CADM2: variants seen among roughly 807,000 people sequenced by gnomAD.
CADM2 encodes the protein immunoglobulin superfamily member 4D.
Under a neutral mutation model 49.8 loss-of-function variants are expected in CADM2, and 12 were observed. That is an observed-to-expected ratio of 0.24 (90% CI 0.15 to 0.39). The LOEUF (loss-of-function observed/expected upper bound fraction) is 0.39. CADM2 is among the 10% of genes least tolerant of loss of function. CADM2 has a pLI of 1.00. For missense variants in CADM2, 378 were observed against 492.3 expected, an observed-to-expected ratio of 0.77 and a Z score of 2.20; for synonymous variants, 214 against 175.4, an observed-to-expected ratio of 1.22 and a Z score of -1.74.
At chr3:85,563,913 A>G (rs1004505118) in intron 1 of CADM2, among the ~76,000 whole-genome samples, 1 of 152,182 alleles carries the variant, frequency 6.6e-6, no homozygotes, top group Non-Finnish European at 1.5e-5. Context: ...TAAATAGATC[A>G]TAGCTATTTT....
chr3:85,488,617 C>T (rs1199684450), intron 1 of CADM2, among the ~76,000 whole-genome samples: 1 of 152,020 alleles, frequency 6.6e-6, no homozygotes, highest in African/African-American at 2.4e-5. Context: ...CTGCAACCTC[C>T]GACTCCCTGG....
chr3:86,055,720 A>G (rs1317964770), intron 8 of CADM2, among the ~76,000 whole-genome samples: 1 of 152,000 alleles, frequency 6.6e-6, no homozygotes, highest in African/African-American at 2.4e-5. Context: ...TCCTAATATC[A>G]TCACGTTGGT....
intron 3 of CADM2, among the ~76,000 whole-genome samples, chr3:85,851,842 T>G (rs974023878): frequency 6.6e-6 from 1 of 151,992 alleles, no homozygotes; most frequent in Admixed American, 6.6e-5. Context: ...AAGATTTTCA[T>G]CTTGAACAAC....
chr3:85,657,777 C>CAG (rs1559574754), intron 1 of CADM2, among the ~76,000 whole-genome samples: 4 of 111,204 alleles, frequency 3.6e-5, no homozygotes, highest in South Asian at 3.0e-4. Flanking sequence ...TATATATATA[C>CAG]ATATACATGT....
intron 1 of CADM2, among the ~76,000 whole-genome samples, chr3:85,380,842 A>G (rs1025394954): frequency 6.6e-6 from 1 of 152,086 alleles, no homozygotes; most frequent in South Asian, 2.1e-4. Context: ...TGTAAAAAGT[A>G]TATCATAGAT....
intron 1 of CADM2, among the ~76,000 whole-genome samples, chr3:85,385,469 C>T (rs191638186): frequency 2.0e-5 from 3 of 152,136 alleles, no homozygotes; most frequent in Admixed American, 2.0e-4. Flanking sequence ...GTAAATAAAA[C>T]TTAATCATGG....
chr3:85,932,562 C>T (rs909977307), intron 6 of CADM2, among the ~76,000 whole-genome samples: 1 of 152,102 alleles, frequency 6.6e-6, no homozygotes, highest in East Asian at 1.9e-4. Context: ...AAATACCACC[C>T]AACAGAATCT....
At chr3:85,461,212 A>G (rs892638608) in intron 1 of CADM2, among the ~76,000 whole-genome samples, 2 of 152,088 alleles carry the variant, frequency 1.3e-5, no homozygotes, top group Non-Finnish European at 2.9e-5. Flanking sequence ...CAGAAATTTA[A>G]CACATAAAAA....
chr3:85,165,004 A>G (rs902156924), intron 1 of CADM2, among the ~76,000 whole-genome samples: 1 of 151,652 alleles, frequency 6.6e-6, no homozygotes, highest in Non-Finnish European at 1.5e-5. Context: ...GGTCAGGAGT[A>G]TCACATTGAA....
At chr3:85,458,547 CT>C (rs1559850437) in intron 1 of CADM2, among the ~76,000 whole-genome samples, 1 of 152,164 alleles carries the variant, frequency 6.6e-6, no homozygotes, top group Admixed American at 6.5e-5. Flanking sequence ...TCTTGCCGTT[CT>C]TTTCCAGAAT....
chr3:85,079,906 T>G (rs2037099078), intron 1 of CADM2, among the ~76,000 whole-genome samples: 1 of 151,878 alleles, frequency 6.6e-6, no homozygotes, highest in South Asian at 2.1e-4. Flanking sequence ...ACTGTGAACT[T>G]GAGAAGGAAG....
intron 1 of CADM2, among the ~76,000 whole-genome samples, chr3:85,158,861 T>TA (rs1307133539): frequency 6.6e-6 from 1 of 151,684 alleles, no homozygotes; most frequent in East Asian, 1.9e-4. Flanking sequence ...TAAAATAAAA[T>TA]AAAAAAATAA....
chr3:85,589,386 GACA>G lies in CADM2; in HGVS notation c.62-137131_62-137129del, dbSNP rs369040213. Among the ~76,000 whole-genome samples the G allele has an allele frequency of 5.1e-3, 773 of 152,040 alleles. 7 individuals carry two copies. Among genetic ancestry groups the G allele is most frequent in the African/African-American group, 0.018 (740 of 41,522 alleles). The stretch of plus-strand genomic sequence containing the variant: ...AGAGAAGTCGTGGTCCAATAGAAAA[GACA>G]ACAAGTAAAAATCAGTTCCAGTACT... On this transcript the variant is annotated intron_variant, in intron 1 of 9. Transcript: ENST00000383699.
At chr3:85,236,778 G>T (rs1257710351) in intron 1 of CADM2, among the ~76,000 whole-genome samples, 1 of 152,078 alleles carries the variant, frequency 6.6e-6, no homozygotes, top group East Asian at 1.9e-4. Context: ...TATGAGAAAA[G>T]TCATTGATAG....
chr3:85,312,125 C>T (rs2044359515), intron 1 of CADM2, among the ~76,000 whole-genome samples: 2 of 152,110 alleles, frequency 1.3e-5, no homozygotes, highest in Admixed American at 6.6e-5. Flanking sequence ...AGAAGAATCT[C>T]TCTGACCTTC....
At chr3:85,509,272 A>G (rs1179038325) in intron 1 of CADM2, among the ~76,000 whole-genome samples, 1 of 152,130 alleles carries the variant, frequency 6.6e-6, no homozygotes, top group Non-Finnish European at 1.5e-5. Context: ...TAAATAAACT[A>G]TAGTAGGGGA....
intron 1 of CADM2, among the ~76,000 whole-genome samples, chr3:85,574,723 GAT>G (rs1305723747): frequency 1.3e-5 from 2 of 152,266 alleles, no homozygotes; most frequent in South Asian, 4.1e-4. Context: ...TCTACTGCAT[GAT>G]ATGTTTCTTT....
intron 1 of CADM2, among the ~76,000 whole-genome samples, chr3:85,044,860 G>A (rs1354062200): frequency 1.4e-5 from 2 of 143,362 alleles, no homozygotes; most frequent in African/African-American, 5.3e-5. Context: ...GAATGGATAT[G>A]GATTAGAAAA....
chr3:85,553,287 T>G (rs2061862318), intron 1 of CADM2, among the ~76,000 whole-genome samples: 1 of 28,016 alleles, frequency 3.6e-5, no homozygotes. Context: ...ACTCTAGATC[T>G]AGTTTATTGT....
Sources: gnomAD v4.1 joint callset for allele counts (sites outside exome capture counted in the v4.1 genomes callset) on GRCh38, gnomAD v4.1.1 for gene constraint, MANE v1.5 for transcripts, NCBI Gene and HGNC (gene_info 2026-07-23, HGNC 2026-07-21) for gene names.